Variants in COL16A1 observed in about 807,000 individuals in gnomAD.
The protein encoded by COL16A1 is collagen type XVI alpha 1 chain, also known as collagen alpha-1(XVI) chain.
Under a neutral mutation model 266.3 loss-of-function variants are expected in COL16A1, and 189 were observed. That is an observed-to-expected ratio of 0.71 (90% CI 0.63 to 0.80). The LOEUF is 0.80. Among genes scored for constraint, COL16A1 ranks in the 30% least tolerant of loss-of-function variants. The probability of loss-of-function intolerance (pLI) is 0.00; values close to 1 mark genes in which losing one functional copy is unlikely to be tolerated. For synonymous variants in COL16A1, 740 were observed against 782.3 expected (o/e 0.95, Z 0.90); for missense variants, 1,928 against 2,122.4 (o/e 0.91, Z 1.80).
rs2228553 is a variant in COL16A1 at position 31,672,444 on chromosome 1, G to A, written c.3077C>T (p.Pro1026Leu). The A allele has an allele frequency of 0.018, 28,347 of 1,614,126 alleles. 307 individuals are homozygous for A. Among genetic ancestry groups the A allele is most frequent in the Non-Finnish European group, 0.021 (24,939 of 1,179,996 alleles). Reference sequence around the variant, plus strand: ...TTCTCCTCTCTGGCCTGGCAATCCCGGAGGACCAGGTAGGCCTGGGCTCCC... The same window carrying A: ...TTCTCCTCTCTGGCCTGGCAATCCCAGAGGACCAGGTAGGCCTGGGCTCCC... ...CVGSPGLPGP[P>L]GLPGQRGEEG... Residue 1026 changes from proline (P) to leucine (L), a missense_variant, in exon 47 of 71, where the codon CCG becomes CTG. Around this residue, in one of 2 missense-constraint regions of COL16A1, gnomAD observed 1,552 missense variants for 1,637.2 expected, o/e 0.95. Coordinates refer to ENST00000373672, the MANE Select transcript of COL16A1 (RefSeq NM_001856.4).
At chr1:31,677,751 C>T (rs1324116481) in intron 42 of COL16A1, among the ~76,000 whole-genome samples, 1 of 152,218 alleles carries the variant, frequency 6.6e-6, no homozygotes, top group African/African-American at 2.4e-5. Context: ...GGCCCTCCTG[C>T]ATCCCACCTG....
At chr1:31,699,463 C>A (rs1644636388) in intron 4 of COL16A1, among the ~76,000 whole-genome samples, 1 of 152,202 alleles carries the variant, frequency 6.6e-6, no homozygotes, top group Admixed American at 6.5e-5. Flanking sequence ...TTGGACTTCA[C>A]ACACATGGGT....
In COL16A1 at chr1:31,673,970, G is replaced by A. The variant is rs140568232; in HGVS notation, c.2859+1037C>T. On this transcript the variant is annotated intron_variant, in intron 44 of 70. Coordinates refer to ENST00000373672, the MANE Select transcript of COL16A1 (RefSeq NM_001856.4). ...AGAAATGTCAAATCCTGGATTTGGA[G>A]TCACACGATCACTGCCCAGTCATTG... Among the ~76,000 whole-genome samples the A allele has an allele frequency of 6.4e-3, 971 of 152,362 alleles. 10 individuals carry two copies. The highest frequency in any genetic ancestry group is 0.022 in the African/African-American group (927 of 41,580).
intron 36 of COL16A1, 51 bp from the exon 37 acceptor site, chr1:31,683,053 AC>A: frequency 6.2e-7 from 1 of 1,612,964 alleles, no homozygotes. Flanking sequence ...GAAGCCAGCT[AC>A]AACCCAGCAG....
In COL16A1 at chr1:31,688,592, C is replaced by T. The variant is rs903379981; in HGVS notation, c.1768-90G>A. 1.4e-5 allele frequency: 22 copies of T among 1,528,850 alleles called. No individual in the cohort carries two copies. The East Asian group carries it at 2.0e-4, about 14-fold the overall frequency. The allele number at this position is 1,528,850 out of a possible 1,614,324, so 94.7% of individuals were successfully genotyped here. A position where few individuals can be genotyped will look rare whatever the true frequency, so the allele number is the denominator to read the frequency against. On this transcript the variant is annotated intron_variant, in intron 25 of 70. Transcript: ENST00000373672. This position sits in a 1 kb window ranked among gnomAD's most constrained non-coding sequence, Gnocchi z 4.9. ...TCCCAGTGTCCAACCAGAAACAGAA[C>T]GGTAAGATAGGAATTATGTCCTTCA... is the stretch of plus-strand genomic sequence containing the variant.
rs1345283247 is a variant in COL16A1 at position 31,688,782 on chromosome 1, G to A, written c.1767+79C>T. 2.1e-6 allele frequency: 3 copies of A among 1,434,018 alleles called. No individual in the cohort carries two copies. The South Asian group carries it at 3.7e-5, about 18-fold the overall frequency. 88.8% of individuals were successfully genotyped at this position (1,434,018 alleles called of 1,614,324 possible). A position where few individuals can be genotyped will look rare whatever the true frequency, so the allele number is the denominator to read the frequency against. On this transcript the variant is annotated intron_variant, in intron 25 of 70. Transcript: ENST00000373672. This position sits in a 1 kb window ranked among gnomAD's most constrained non-coding sequence, Gnocchi z 4.9. ...CTCCTGATCCCTGCCCTGAGACTTG[G>A]GATCTGAAAAGCCAGGGAGATCAAC...
chr1:31,667,563 G>C lies in COL16A1; in HGVS notation c.3357+12C>G, dbSNP rs202020295. On this transcript the variant is annotated intron_variant, in intron 52 of 70. Transcript: ENST00000373672. ...GCAGCCCTGCATCCAGCCCCACGCC[G>C]CTGGGACTCACCGGCTCTCCTTTCT... The C allele has an allele frequency of 1.9e-6, 3 of 1,587,932 alleles. No individual in the cohort carries two copies. Among genetic ancestry groups the C allele is most frequent in the Admixed American group, 3.5e-5 (2 of 57,014 alleles).
chr1:31,679,933 G>A (rs892460140), intron 40 of COL16A1, 82 bp from the exon 41 acceptor site: 42 of 1,548,206 alleles, frequency 2.7e-5, no homozygotes, highest in African/African-American at 9.6e-5. Context: ...GTGGGGAGGC[G>A]GCTGGCTGGG....
chr1:31,692,865 G>A (rs958859681), intron 13 of COL16A1, 57 bp from the exon 14 acceptor site: 89 of 1,527,906 alleles, frequency 5.8e-5, no homozygotes, highest in Admixed American at 8.4e-5. Flanking sequence ...TCCCCTAGAT[G>A]TGTTGTGAGG....
intron 61 of COL16A1, 32 bp from the exon 62 acceptor site, chr1:31,660,670 C>G: frequency 6.2e-7 from 1 of 1,613,744 alleles, no homozygotes; most frequent in Middle Eastern, 1.7e-4. Flanking sequence ...AAAAATGACA[C>G]TGAAACTGAC....
intron 17 of COL16A1, 48 bp from the exon 18 acceptor site, chr1:31,691,690 C>A: frequency 6.3e-7 from 1 of 1,588,266 alleles, no homozygotes; most frequent in South Asian, 1.2e-5. Context: ...TGAGGCCTGG[C>A]ACCGCCCCAC....
At chr1:31,696,182 A>T in intron 8 of COL16A1, 41 bp from the exon 9 acceptor site, 2 of 1,596,744 alleles carry the variant, frequency 1.3e-6, no homozygotes, top group African/African-American at 1.3e-5. Context: ...AGGAGGGGGA[A>T]GTTCTGGGGT....
At chr1:31,691,298 C>T in intron 19 of COL16A1, 72 bp from the exon 20 acceptor site, 1 of 1,600,040 alleles carries the variant, frequency 6.2e-7, no homozygotes, top group South Asian at 1.1e-5. Flanking sequence ...CTACCCTCAC[C>T]CTCTCCTCCA....
intron 42 of COL16A1, chr1:31,679,261 A>C (rs1570473754): frequency 1.3e-6 from 1 of 740,750 alleles, no homozygotes; most frequent in South Asian, 2.0e-5. Flanking sequence ...TATTCACAGC[A>C]GTTAAAGCAG....
At position 31,688,847 on chromosome 1, in the gene COL16A1, A is replaced by G. The variant is rs373702663; in HGVS notation, c.1767+14T>C. The G allele has an allele frequency of 6.2e-7, 1 of 1,609,718 alleles. No homozygotes were observed. The highest frequency in any genetic ancestry group is 1.3e-5 in the African/African-American group (1 of 74,942). Reference sequence around the variant, plus strand: ...GGCTGAACTGGGCTGGGCTGGGAGAAAGTCGTCACTCACCGGAAGGCCAGG... The same window carrying G: ...GGCTGAACTGGGCTGGGCTGGGAGAGAGTCGTCACTCACCGGAAGGCCAGG... On this transcript the variant is annotated intron_variant, in intron 25 of 70. Coordinates refer to ENST00000373672, the MANE Select transcript of COL16A1 (RefSeq NM_001856.4). This position sits in a 1 kb window ranked among gnomAD's most constrained non-coding sequence, Gnocchi z 4.9.
At chr1:31,680,774 G>T in intron 39 of COL16A1, 131 bp downstream of exon 39, 1 of 1,551,576 alleles carries the variant, frequency 6.4e-7, no homozygotes, top group Non-Finnish European at 8.8e-7. Flanking sequence ...AGCTTCATGT[G>T]CACAGGCTCC....
Position 31,672,498 on chromosome 1 carries a change from T to A in COL16A1, c.3023A>T (p.Asp1008Val). 2 of 1,614,132 alleles carry A rather than the reference T, an allele frequency of 1.2e-6. No individual in the cohort carries two copies. The highest frequency in any genetic ancestry group is 1.7e-6 in the Non-Finnish European group (2 of 1,180,010). ...ACAGCCAGGATCTCCCTCACTGTTG[T>A]CACCCTGGAGAAGGATGGAGACGGT... Reference protein sequence around the residue: ...ERPRAEEARGDNSEGDPGCVG... With the variant: ...ERPRAEEARGVNSEGDPGCVG... Residue 1008 changes from aspartate to valine, a missense_variant, in exon 47 of 71, where the codon GAC becomes GTC. By Grantham distance (152) the Asp-to-Val change is radical (BLOSUM62 -3). This residue lies in a region of COL16A1 where 1,552 missense variants were observed against 1,637.2 expected (regional missense o/e 0.95). Coordinates refer to ENST00000373672, the MANE Select transcript of COL16A1 (RefSeq NM_001856.4).
intron 66 of COL16A1, chr1:31,655,747 T>G: frequency 1.6e-6 from 1 of 616,804 alleles, no homozygotes; most frequent in Non-Finnish European, 2.6e-6. Context: ...CACTCATTCG[T>G]TGGCCGGGCA....
At position 31,698,013 on chromosome 1, in the gene COL16A1, C is replaced by T. The variant is rs772771805; in HGVS notation, c.550G>A (p.Val184Met). Residue 184 changes from valine to methionine, a missense_variant, in exon 6 of 71, where the codon GTG becomes ATG. Coordinates refer to ENST00000373672, the MANE Select transcript of COL16A1 (RefSeq NM_001856.4). This position sits in a 1 kb window ranked among gnomAD's most constrained non-coding sequence, Gnocchi z 4.1. ...TGGGAGGAGGCTGAGCTGCAGTCCA[C>T]GTGCACAGAGGCCACACGTCCAGCC... ...SVAGRVASVHVDCSSASSQPL... is the reference protein window; with the variant it reads ...SVAGRVASVHMDCSSASSQPL... The T allele has an allele frequency of 1.4e-5, 22 of 1,613,490 alleles. No individual in the cohort carries two copies. Among genetic ancestry groups the T allele is most frequent in the African/African-American group, 2.7e-5 (2 of 74,918 alleles).
Sources: allele counts gnomAD v4.1 joint callset (sites outside exome capture counted in the v4.1 genomes callset), GRCh38; gene constraint gnomAD v4.1.1; regional missense constraint gnomAD v4.1.1; non-coding constraint Gnocchi (gnomAD v3.1); transcripts MANE v1.5; gene names NCBI Gene and HGNC (gene_info 2026-07-23, HGNC 2026-07-21).